SH3RF3: variants seen among roughly 807,000 people sequenced by gnomAD.
SH3RF3 encodes SH3 domain containing ring finger 3.
Under a neutral mutation model 66.3 loss-of-function variants are expected in SH3RF3, and 29 were observed. The observed-to-expected ratio is 0.44, with a 90% CI of 0.33 to 0.60. The LOEUF (loss-of-function observed/expected upper bound fraction) is 0.60, where lower values mean the gene tolerates loss of function less well. SH3RF3 is among the 20% of genes least tolerant of loss of function. The pLI, the probability that SH3RF3 is intolerant of heterozygous loss-of-function variation, is 0.04. For synonymous variants in SH3RF3, 583 were observed against 532.0 expected (o/e 1.10, Z -1.32); for missense variants, 1,194 against 1,190.9 (o/e 1.00, Z -0.04).
intron 3 of SH3RF3, among the ~76,000 whole-genome samples, chr2:109,382,726 G>A (rs1675727010): frequency 6.6e-6 from 1 of 152,208 alleles, no homozygotes; most frequent in African/African-American, 2.4e-5. Context: ...TTCTCCTGGC[G>A]AGAGATGCAG....
At chr2:109,429,073 G>C (rs1488999773) in intron 5 of SH3RF3, among the ~76,000 whole-genome samples, 1 of 152,204 alleles carries the variant, frequency 6.6e-6, no homozygotes. Flanking sequence ...TGCCACTGTG[G>C]CTGCAGGGGG....
At chr2:109,208,274 A>G (rs1009645047) in intron 1 of SH3RF3, among the ~76,000 whole-genome samples, 1 of 152,242 alleles carries the variant, frequency 6.6e-6, no homozygotes, top group Non-Finnish European at 1.5e-5. Context: ...GCAGATCCAC[A>G]GACACTCCTG....
intron 4 of SH3RF3, among the ~76,000 whole-genome samples, chr2:109,416,922 A>G (rs1656756819): frequency 6.6e-6 from 1 of 151,444 alleles, no homozygotes; most frequent in Admixed American, 6.6e-5. Context: ...AAAAAAAAAA[A>G]AAGAATTGTA....
intron 2 of SH3RF3, among the ~76,000 whole-genome samples, chr2:109,355,794 C>A (rs2105600650): frequency 6.6e-6 from 1 of 152,296 alleles, no homozygotes; most frequent in Middle Eastern, 3.4e-3. Context: ...ATATACAAAG[C>A]CCATTTGGTG....
chr2:109,330,133 C>T (rs555701715), intron 1 of SH3RF3, among the ~76,000 whole-genome samples: 4 of 152,316 alleles, frequency 2.6e-5, no homozygotes, highest in African/African-American at 7.2e-5. Flanking sequence ...TGCTCCCACT[C>T]TGGGGCAGCT....
At chr2:109,468,980 T>C (rs1678433832) in intron 8 of SH3RF3, among the ~76,000 whole-genome samples, 1 of 147,328 alleles carries the variant, frequency 6.8e-6, no homozygotes, top group African/African-American at 2.5e-5. Context: ...GGCTACTAGA[T>C]GCATGTCAAG....
intron 2 of SH3RF3, among the ~76,000 whole-genome samples, chr2:109,358,005 C>T (rs1411287589): frequency 6.6e-6 from 1 of 152,202 alleles, no homozygotes; most frequent in Non-Finnish European, 1.5e-5. Context: ...TAGGCCCATA[C>T]AAAGTAGGTT....
chr2:109,401,274 G>T (rs11679322), intron 4 of SH3RF3, among the ~76,000 whole-genome samples: 49,257 of 152,170 alleles, frequency 0.32, 8,996 homozygotes, highest in Non-Finnish European at 0.41. Flanking sequence ...AAGTTGTGTT[G>T]TGAAACAAAT....
At chr2:109,495,133 C>G (rs1245138157) in intron 9 of SH3RF3, among the ~76,000 whole-genome samples, 1 of 152,220 alleles carries the variant, frequency 6.6e-6, no homozygotes, top group Non-Finnish European at 1.5e-5. Context: ...CTTTAGGTGT[C>G]TGGCATATTC....
chr2:109,266,351 C>T (rs571557037), intron 1 of SH3RF3, among the ~76,000 whole-genome samples: 1 of 151,538 alleles, frequency 6.6e-6, no homozygotes, highest in East Asian at 1.9e-4. Flanking sequence ...TGTATGTATA[C>T]ACAGGATCCA....
chr2:109,288,955 A>T (rs1446227077), intron 1 of SH3RF3, among the ~76,000 whole-genome samples: 2 of 152,182 alleles, frequency 1.3e-5, no homozygotes, highest in Non-Finnish European at 2.9e-5. Flanking sequence ...ATAAATTGAC[A>T]AATTTATTTG....
At chr2:109,151,550 TA>T (rs1677225701) in intron 1 of SH3RF3, among the ~76,000 whole-genome samples, 1 of 152,274 alleles carries the variant, frequency 6.6e-6, no homozygotes, top group Admixed American at 6.5e-5. Flanking sequence ...TAACCCACTG[TA>T]TCCAAAATAT....
intron 2 of SH3RF3, among the ~76,000 whole-genome samples, chr2:109,357,444 G>T (rs1181770422): frequency 6.6e-6 from 1 of 152,212 alleles, no homozygotes; most frequent in Non-Finnish European, 1.5e-5. Flanking sequence ...GCCTCCCAAA[G>T]TGCTGGGATT....
intron 6 of SH3RF3, among the ~76,000 whole-genome samples, chr2:109,436,553 A>G (rs1339880544): frequency 6.6e-6 from 1 of 152,256 alleles, no homozygotes; most frequent in African/African-American, 2.4e-5. Context: ...TGACTGAGTC[A>G]TCTGTTCTTT....
intron 5 of SH3RF3, among the ~76,000 whole-genome samples, chr2:109,429,771 A>G (rs1312243717): frequency 1.3e-5 from 2 of 152,196 alleles, no homozygotes; most frequent in Admixed American, 6.5e-5. Flanking sequence ...CATGTGCAAG[A>G]AGGCCACAGA....
At chr2:109,368,451 T>C (rs2105665090) in intron 2 of SH3RF3, among the ~76,000 whole-genome samples, 1 of 152,276 alleles carries the variant, frequency 6.6e-6, no homozygotes, top group East Asian at 1.9e-4. Flanking sequence ...TTTTTAATGA[T>C]TGGCCAATTT....
At chr2:109,459,101 T>C (rs569704767) in intron 8 of SH3RF3, among the ~76,000 whole-genome samples, 32 of 152,190 alleles carry the variant, frequency 2.1e-4, no homozygotes, top group African/African-American at 7.5e-4. Flanking sequence ...AGTCTTTGAG[T>C]GGTGCTTCGT....
Position 109,129,220 on chromosome 2 carries a change from C to G in SH3RF3, c.-321C>G, listed in dbSNP as rs1000979542. ...CGCTTGCAGCACAGAACCCGTTGAG[C>G]TTCGTGCCCGGCAGCACCCCCGGTC... On this transcript the variant is annotated 5_prime_UTR_variant, in exon 1 of 10. Transcript: ENST00000309415. 1 of 538,942 alleles carries G rather than the reference C, an allele frequency of 1.9e-6. No homozygotes were observed. Among genetic ancestry groups the G allele is most frequent in the Non-Finnish European group, 3.4e-6 (1 of 293,478 alleles). 33.4% of individuals were successfully genotyped at this position (538,942 alleles called of 1,614,324 possible).
At chr2:109,419,877 A>C (rs996676372) in intron 5 of SH3RF3, among the ~76,000 whole-genome samples, 9 of 152,238 alleles carry the variant, frequency 5.9e-5, no homozygotes, top group African/African-American at 2.2e-4. Context: ...GGATATTCAG[A>C]GTATTCACAG....
Sources: allele counts gnomAD v4.1 joint callset (sites outside exome capture counted in the v4.1 genomes callset), GRCh38; gene constraint gnomAD v4.1.1; transcripts MANE v1.5; gene names NCBI Gene and HGNC (gene_info 2026-07-23, HGNC 2026-07-21).